Variants in STRN4 observed in about 807,000 individuals in gnomAD.
STRN4 encodes striatin 4, also known as striatin-4.
STRN4 carries 27 observed loss-of-function variants against 77.9 expected under a neutral mutation model. The observed-to-expected ratio is 0.35, with a 90% CI of 0.26 to 0.48. The LOEUF (loss-of-function observed/expected upper bound fraction) is 0.48. Among genes scored for constraint, STRN4 ranks in the 20% least tolerant of loss-of-function variants. The pLI, the probability that STRN4 is intolerant of heterozygous loss-of-function variation, is 0.99. For missense variants in STRN4, 798 were observed against 1,049.7 expected (o/e 0.76, Z 3.31); for synonymous variants, 466 against 443.1 (o/e 1.05, Z -0.65).
chr19:46,732,901 A>C (rs1471705826), intron 5 of STRN4, 138 bp downstream of exon 5: 1 of 1,035,542 alleles, frequency 9.7e-7, no homozygotes, highest in Non-Finnish European at 1.4e-6. Context: ...TCAGGGTTTC[A>C]GAACAAGGGA....
Position 46,722,091 on chromosome 19 carries a change from G to A in STRN4, c.2006-19C>T. 31 of 1,612,032 alleles carry A rather than the reference G, an allele frequency of 1.9e-5. No homozygotes were observed. Among genetic ancestry groups the A allele is most frequent in the Middle Eastern group, 3.3e-4 (2 of 6,050 alleles). Reference sequence around the variant, plus strand: ...GGCTTACCTGAGGCGAGAAGGGCGGGTGGCAGGTTCCCCTCCCACTCTGGG... The same window carrying A: ...GGCTTACCTGAGGCGAGAAGGGCGGATGGCAGGTTCCCCTCCCACTCTGGG... On this transcript the variant is annotated intron_variant, in intron 15 of 17. Coordinates refer to ENST00000263280, the MANE Select transcript of STRN4 (RefSeq NM_013403.3).
At chr19:46,722,446 G>T in intron 14 of STRN4, 106 bp from the exon 15 acceptor site, 1 of 1,208,470 alleles carries the variant, frequency 8.3e-7, no homozygotes, top group Non-Finnish European at 1.2e-6. Flanking sequence ...CCTCTGCCTG[G>T]ATGTCGAGGG....
intron 1 of STRN4, chr19:46,740,363 A>C (rs1261512204): frequency 6.6e-6 from 1 of 152,072 alleles, no homozygotes; most frequent in East Asian, 1.9e-4. Flanking sequence ...AAGAATGGGA[A>C]ATTTTTTTCC....
Position 46,738,417 on chromosome 19 carries a change from A to G in STRN4, c.387-180T>C, listed in dbSNP as rs1182795234. Among the ~76,000 whole-genome samples the G allele has an allele frequency of 2.0e-5, 3 of 152,106 alleles. No individual in the cohort carries two copies. The highest frequency in any genetic ancestry group is 2.0e-4 in the Admixed American group (3 of 15,276). The stretch of plus-strand genomic sequence containing the variant: ...GTGGAAGAAACCACTCCCTGGAGTC[A>G]GGCAACCTAGGTTGCTCTCAGGGGT... On this transcript the variant is annotated intron_variant, in intron 2 of 17. Transcript: ENST00000263280. The surrounding 1 kb of genome is among the most constrained non-coding windows in gnomAD (Gnocchi z 4.5).
At position 46,722,258 on chromosome 19, in the gene STRN4, G is replaced by A. The variant is rs769550050; in HGVS notation, c.1989C>T (p.Phe663=). The change falls in exon 15 of 18, where the codon TTC becomes TTT. Residue 663 remains phenylalanine, a synonymous_variant. Coordinates refer to ENST00000263280, the MANE Select transcript of STRN4 (RefSeq NM_013403.3). ...ITAHDDRGIR[F]LDNRTGKPVH... ...AGGCCTCACCTGTCCGATTGTCCAG[G>A]AAGCGGATGCCCCTGTCGTCGTGGG... The A allele has an allele frequency of 4.3e-6, 7 of 1,614,124 alleles. No individual in the cohort carries two copies. The highest frequency in any genetic ancestry group is 4.5e-5 in the East Asian group (2 of 44,890).
At chr19:46,727,806 T>TGAAGACACA in intron 8 of STRN4, 88 bp downstream of exon 8, 1 of 1,253,544 alleles carries the variant, frequency 8.0e-7, no homozygotes, top group South Asian at 1.4e-5. Context: ...GCCTCGACCC[T>TGAAGACACA]GAAGACACAG....
intron 3 of STRN4, among the ~76,000 whole-genome samples, chr19:46,737,812 T>C (rs1234550190): frequency 1.3e-5 from 2 of 152,172 alleles, no homozygotes; most frequent in East Asian, 3.9e-4. Flanking sequence ...ACGGCAACCC[T>C]GTTCAAACGC....
At chr19:46,732,027 G>T (rs1249366225) in intron 5 of STRN4, 1 of 152,180 alleles carries the variant, frequency 6.6e-6, no homozygotes, top group African/African-American at 2.4e-5. Flanking sequence ...TCCACTCCCA[G>T]GCTTCCCCGT....
chr19:46,739,016 C>T, intron 1 of STRN4, 128 bp from the exon 2 acceptor site: 1 of 750,496 alleles, frequency 1.3e-6, no homozygotes, highest in Non-Finnish European at 2.3e-6. Flanking sequence ...GCCACTTCCT[C>T]AGGCACAAAG....
intron 4 of STRN4, chr19:46,736,175 TG>T (rs1264298152): frequency 6.6e-6 from 1 of 150,990 alleles, no homozygotes; most frequent in African/African-American, 2.4e-5. Flanking sequence ...CTCAGAAGGC[TG>T]AGGCAGGAGA....
chr19:46,736,594 A>G (rs1358806563), intron 4 of STRN4, among the ~76,000 whole-genome samples: 1 of 138,312 alleles, frequency 7.2e-6, no homozygotes, highest in Admixed American at 7.4e-5. Context: ...GCATTCAGGG[A>G]CACATTCCAA....
chr19:46,722,690 G>A (rs1470574200), intron 14 of STRN4, 120 bp downstream of exon 14: 1 of 1,448,396 alleles, frequency 6.9e-7, no homozygotes, highest in African/African-American at 1.4e-5. Flanking sequence ...TCCTGCTCAG[G>A]GCCTGAGGGT....
In STRN4 at chr19:46,725,326, C is replaced by T; in HGVS notation, c.1472+6G>A. 2.5e-6 allele frequency: 4 copies of T among 1,614,194 alleles called. No individual in the cohort carries two copies. Among genetic ancestry groups the T allele is most frequent in the Non-Finnish European group, 2.5e-6 (3 of 1,180,032 alleles). On this transcript the variant is annotated splice_donor_region_variant and intron_variant, in intron 11 of 17. Coordinates refer to ENST00000263280, the MANE Select transcript of STRN4 (RefSeq NM_013403.3). Reference sequence around the variant, plus strand: ...GTTTCTAGCAGGCTCAGGGGCACCTCCCTACCTGTGAGCCCGGAAAGCATG... The same window carrying T: ...GTTTCTAGCAGGCTCAGGGGCACCTTCCTACCTGTGAGCCCGGAAAGCATG...
chr19:46,728,018 G>C lies in STRN4; in HGVS notation c.1040-11C>G, dbSNP rs752757987. 6.2e-7 allele frequency: 1 copy of C among 1,611,944 alleles called. No individual in the cohort carries two copies. Among genetic ancestry groups the C allele is most frequent in the Admixed American group, 1.7e-5 (1 of 59,806 alleles). On this transcript the variant is annotated splice_polypyrimidine_tract_variant and intron_variant, in intron 7 of 17. Transcript: ENST00000263280. ...TGACCCGACGGCTTTCTGCAGGGTCGAGGCATAGGGCCGGAGTCACCCAGC... is the reference window on the plus strand; with the variant it reads ...TGACCCGACGGCTTTCTGCAGGGTCCAGGCATAGGGCCGGAGTCACCCAGC...
chr19:46,735,781 ATGGTGAAACCC>A (rs1456699659), intron 4 of STRN4, among the ~76,000 whole-genome samples: 2 of 151,782 alleles, frequency 1.3e-5, no homozygotes, highest in Admixed American at 1.3e-4. Context: ...CATGGCCAAC[ATGGTGAAACCC>A]TGTCTTTACT....
chr19:46,725,594 G>A lies in STRN4; in HGVS notation c.1303C>T (p.Arg435Cys). ...KKTWNPKFTL[R>C]SHYDGIRSLA... is the part of the protein sequence containing the mutation. Reference sequence around the variant, plus strand: ...GAACGAATGCCGTCGTAGTGCGAGCGCAGGGTGAACTTGGGGTTCCACGTC... The same window carrying A: ...GAACGAATGCCGTCGTAGTGCGAGCACAGGGTGAACTTGGGGTTCCACGTC... The change falls in exon 10 of 18, where the codon CGC (arginine) becomes TGC (cysteine). Residue 435 changes from arginine to cysteine, a missense_variant. This residue lies in a region of STRN4 where 287 missense variants were observed against 473.8 expected (regional missense o/e 0.61). Coordinates refer to ENST00000263280, the MANE Select transcript of STRN4 (RefSeq NM_013403.3). 7 of 1,614,176 alleles carry A rather than the reference G, an allele frequency of 4.3e-6. No individual in the cohort carries two copies. The highest frequency in any genetic ancestry group is 5.9e-6 in the Non-Finnish European group (7 of 1,180,032).
rs751330774 is a variant in STRN4, at chr19:46,720,607, C to T, written c.2257G>A (p.Val753Ile). 9.5e-6 allele frequency: 15 copies of T among 1,579,446 alleles called. No individual in the cohort carries two copies. Among genetic ancestry groups the T allele is most frequent in the Admixed American group, 5.2e-5 (3 of 57,540 alleles). Residue 753 changes from valine to isoleucine, a missense_variant, in exon 17 of 18, where the codon GTA becomes ATA. This residue lies in a region of STRN4 where 287 missense variants were observed against 473.8 expected (regional missense o/e 0.61). Coordinates refer to ENST00000263280, the MANE Select transcript of STRN4 (RefSeq NM_013403.3). ...AGADALAKVFV is the reference protein window; with the variant it reads ...AGADALAKVFI ...AGGGCAGGGCCAGGTGGGCATCATA[C>T]GAAGACCTTGGCCAGGGCATCAGCG...
intron 14 of STRN4, 75 bp from the exon 15 acceptor site, chr19:46,722,415 G>A: frequency 6.9e-7 from 1 of 1,453,166 alleles, no homozygotes; most frequent in South Asian, 1.2e-5. Flanking sequence ...CACAAGCGCA[G>A]CGTGACAGCC....
chr19:46,746,330 A>G lies in STRN4; in HGVS notation c.101T>C (p.Val34Ala). ...GCCCGGCCCGGGGGCAGGGGCGGAG[A>G]CCGGGGCCGCCCCAGTGGGGCCAGG... ...AGPGPTGAAP[V>A]SAPAPGPGPA... The change falls in exon 1 of 18, where the codon GTC becomes GCC. Residue 34 changes from valine to alanine, a missense_variant. Val to Ala is a moderately conservative substitution (Grantham distance 64). This residue lies in a region of STRN4 where 511 missense variants were observed against 575.9 expected (regional missense o/e 0.89). Coordinates refer to ENST00000263280, the MANE Select transcript of STRN4 (RefSeq NM_013403.3). The G allele has an allele frequency of 7.7e-7, 1 of 1,295,378 alleles. No homozygotes were observed. 80.2% of individuals were successfully genotyped at this position (1,295,378 alleles called of 1,614,324 possible). A position where few individuals can be genotyped will look rare whatever the true frequency, so the allele number is the denominator to read the frequency against.
Sources: gnomAD v4.1 joint callset for allele counts (sites outside exome capture counted in the v4.1 genomes callset) on GRCh38, gnomAD v4.1.1 for gene constraint, gnomAD v4.1.1 regional missense constraint, Gnocchi (gnomAD v3.1) non-coding constraint, MANE v1.5 for transcripts, NCBI Gene and HGNC (gene_info 2026-07-23, HGNC 2026-07-21) for gene names.